The following SLC18A1 variants were observed in gnomAD, a reference collection of about 807,000 sequenced individuals.
SLC18A1 encodes the protein chromaffin granule amine transporter.
A neutral mutation model predicts 53.7 loss-of-function variants in SLC18A1; 69 were observed. The ratio of observed to expected loss-of-function variants is 1.28; its 90% CI spans 1.06 to 1.57. The LOEUF is 1.57. Ranked by LOEUF, SLC18A1 falls within the 40% of genes most tolerant of loss-of-function variation. The pLI is 0.00. For missense variants in SLC18A1, 932 were observed against 668.1 expected (o/e 1.40, Z -4.35); for synonymous variants, 320 against 248.1 (o/e 1.29, Z -2.72).
chr8:20,155,274 G>T (rs184845674), intron 10 of SLC18A1, among the ~76,000 whole-genome samples: 2 of 152,328 alleles, frequency 1.3e-5, no homozygotes, highest in Non-Finnish European at 2.9e-5. Flanking sequence ...GATCACTTTT[G>T]CTTGCTATTC....
chr8:20,163,913 G>C (rs1328494339), intron 10 of SLC18A1, among the ~76,000 whole-genome samples: 2 of 152,150 alleles, frequency 1.3e-5, no homozygotes, highest in Non-Finnish European at 2.9e-5. Context: ...CTGCTCACTA[G>C]TATCGAGACC....
At chr8:20,181,583 C>T (rs573292170) in intron 1 of SLC18A1, among the ~76,000 whole-genome samples, 1 of 152,182 alleles carries the variant, frequency 6.6e-6, no homozygotes, top group Non-Finnish European at 1.5e-5. Context: ...CCCTAACTCT[C>T]AAAAAATTTT....
chr8:20,162,478 C>A (rs1456247239), intron 10 of SLC18A1, among the ~76,000 whole-genome samples: 15 of 152,162 alleles, frequency 9.9e-5, no homozygotes, highest in Non-Finnish European at 1.9e-4. Flanking sequence ...TAAATCATTT[C>A]TTTGCTTTCA....
chr8:20,178,553 T>C (rs1585227846), intron 3 of SLC18A1, 60 bp from the exon 4 acceptor site: 2 of 1,271,138 alleles, frequency 1.6e-6, no homozygotes, highest in Admixed American at 2.1e-5. Flanking sequence ...ATACATGGAC[T>C]ACATTTTTAA....
chr8:20,171,399 A>C lies in SLC18A1; in HGVS notation c.814+6T>G. 1 of 1,611,316 alleles carries C rather than the reference A, an allele frequency of 6.2e-7. No homozygotes were observed. The highest frequency in any genetic ancestry group is 8.5e-7 in the Non-Finnish European group (1 of 1,177,518). On this transcript the variant is annotated splice_donor_region_variant and intron_variant, in intron 7 of 15. Coordinates refer to ENST00000276373, the MANE Select transcript of SLC18A1 (RefSeq NM_003053.4). ...TCACCTGCTGGAGGCTCTGATGGTG[A>C]CTTACCTCCATCCAGTAGTGCCAGG...
At chr8:20,167,020 GA>G (rs1233476615) in intron 8 of SLC18A1, among the ~76,000 whole-genome samples, 4 of 151,870 alleles carry the variant, frequency 2.6e-5, no homozygotes, top group Non-Finnish European at 4.4e-5. Context: ...CCAGAGTCGT[GA>G]GAAAATAAAT....
chr8:20,162,835 C>T (rs928210628), intron 10 of SLC18A1, among the ~76,000 whole-genome samples: 3 of 152,202 alleles, frequency 2.0e-5, no homozygotes, highest in Admixed American at 2.0e-4. Flanking sequence ...ACCAGAATCA[C>T]CCTTAATGCC....
chr8:20,149,709 G>T lies in SLC18A1; in HGVS notation c.1113C>A (p.Ile371=). The change falls in exon 12 of 16, where the codon ATC becomes ATA. Residue 371 remains isoleucine (I), a synonymous_variant. Transcript: ENST00000276373. ...NKMGRWLCSL[I]GMLVVGTSLL... ...AGCTGGTACCTACTACCAGCATCCC[G>T]ATTAGGGAACACAGCCACCTGGAAG... The T allele has an allele frequency of 2.5e-6, 4 of 1,613,084 alleles. No homozygotes were observed. Among genetic ancestry groups the T allele is most frequent in the Non-Finnish European group, 3.4e-6 (4 of 1,179,800 alleles).
At chr8:20,154,936 C>T (rs1180145611) in intron 10 of SLC18A1, among the ~76,000 whole-genome samples, 1 of 152,176 alleles carries the variant, frequency 6.6e-6, no homozygotes, top group Non-Finnish European at 1.5e-5. Flanking sequence ...GCAAGGCACC[C>T]ATTGCCACTC....
intron 10 of SLC18A1, among the ~76,000 whole-genome samples, chr8:20,159,634 C>CAAAAAAAAAAAAAAAAAAAAAAAAAAAA (rs200123466): frequency 6.1e-5 from 5 of 81,534 alleles, no homozygotes; most frequent in East Asian, 3.1e-4. Context: ...TTGCAGCTGC[C>CAAAAAAAAAAAAAAAAAAAAAAAAAAAA]AAAAAAAAAA....
chr8:20,178,378 C>G, intron 4 of SLC18A1, 57 bp downstream of exon 4: 2 of 1,415,496 alleles, frequency 1.4e-6, no homozygotes, highest in South Asian at 2.5e-5. Context: ...ACCGCATTCA[C>G]TTGATAAAAT....
intron 6 of SLC18A1, among the ~76,000 whole-genome samples, chr8:20,171,808 C>T (rs2128877608): frequency 6.6e-6 from 1 of 152,256 alleles, no homozygotes; most frequent in South Asian, 2.1e-4. Context: ...AATGAAAGCA[C>T]AGTCAATGTC....
At chr8:20,169,871 T>A (rs1188254408) in intron 8 of SLC18A1, among the ~76,000 whole-genome samples, 1 of 152,156 alleles carries the variant, frequency 6.6e-6, no homozygotes, top group Non-Finnish European at 1.5e-5. Flanking sequence ...AGAGCAAGAC[T>A]CCGTCTCAAA....
intron 14 of SLC18A1, 29 bp downstream of exon 14, chr8:20,147,574 A>G: frequency 6.2e-7 from 1 of 1,613,100 alleles, no homozygotes; most frequent in Non-Finnish European, 8.5e-7. Context: ...AGACAGGGGA[A>G]AGTGGGGCAC....
intron 10 of SLC18A1, among the ~76,000 whole-genome samples, chr8:20,152,161 T>C (rs924170162): frequency 6.6e-6 from 1 of 152,164 alleles, no homozygotes; most frequent in Admixed American, 6.5e-5. Context: ...AATTAAGATG[T>C]CTTAAAGAAA....
At chr8:20,162,317 G>C (rs2071850891) in intron 10 of SLC18A1, among the ~76,000 whole-genome samples, 2 of 152,282 alleles carry the variant, frequency 1.3e-5, no homozygotes, top group Admixed American at 1.3e-4. Flanking sequence ...GTGGTGCCTG[G>C]CTCACTTTTA....
chr8:20,160,130 T>C (rs1394877934), intron 10 of SLC18A1, among the ~76,000 whole-genome samples: 1 of 151,870 alleles, frequency 6.6e-6, no homozygotes, highest in Non-Finnish European at 1.5e-5. Context: ...TTCTATGGAG[T>C]AGAAGTAAGC....
chr8:20,168,825 G>C (rs893541231), intron 8 of SLC18A1, among the ~76,000 whole-genome samples: 6 of 152,142 alleles, frequency 3.9e-5, no homozygotes, highest in Non-Finnish European at 8.8e-5. Flanking sequence ...CTGCCTTGGA[G>C]GAATGGCTAT....
chr8:20,148,267 G>A (rs1050931402), intron 12 of SLC18A1, 197 bp from the exon 13 acceptor site: 4 of 624,166 alleles, frequency 6.4e-6, no homozygotes, highest in African/African-American at 5.5e-5. Flanking sequence ...GACCAGCGCT[G>A]TTGTGTTTAT....
Sources: allele counts gnomAD v4.1 joint callset (sites outside exome capture counted in the v4.1 genomes callset), GRCh38; gene constraint gnomAD v4.1.1; transcripts MANE v1.5; gene names NCBI Gene and HGNC (gene_info 2026-07-23, HGNC 2026-07-21).